Variants in OVCH1 observed in about 807,000 individuals in gnomAD.
OVCH1 encodes the protein ovochymase-1.
Under a neutral mutation model 138.4 loss-of-function variants are expected in OVCH1, and 139 were observed. That is an observed-to-expected ratio of 1.00 (90% CI 0.87 to 1.16). The LOEUF (loss-of-function observed/expected upper bound fraction) is 1.16, where lower values mean the gene tolerates loss of function less well. Among genes scored for constraint, OVCH1 ranks in the 50% most tolerant of loss-of-function variants. The pLI, the probability that OVCH1 is intolerant of heterozygous loss-of-function variation, is 0.00. For synonymous variants in OVCH1, 453 were observed against 467.8 expected (o/e 0.97, Z 0.41); for missense variants, 1,367 against 1,357.9 (o/e 1.01, Z -0.11).
chr12:29,426,461 G>C (rs1434537665), downstream of OVCH1, among the ~76,000 whole-genome samples: 1 of 152,148 alleles, frequency 6.6e-6, no homozygotes, highest in Non-Finnish European at 1.5e-5. Context: ...GTCCCAAATT[G>C]ATATCTATAG....
At chr12:29,416,420 A>T (rs1819404508) in intron 3 of OVCH1, among the ~76,000 whole-genome samples, 1 of 152,208 alleles carries the variant, frequency 6.6e-6, no homozygotes, top group African/African-American at 2.4e-5. Context: ...TTGACAAAGG[A>T]TTAGTGGCTA....
At chr12:29,418,453 A>C (rs551643499) in intron 3 of OVCH1, among the ~76,000 whole-genome samples, 2 of 152,266 alleles carry the variant, frequency 1.3e-5, no homozygotes, top group Non-Finnish European at 2.9e-5. Flanking sequence ...GTTTATACAG[A>C]TACTTCAACT....
the OVCH1 span, among the ~76,000 whole-genome samples, chr12:29,402,930 T>C: frequency 6.6e-6 from 1 of 152,218 alleles, no homozygotes; most frequent in Non-Finnish European, 1.5e-5. Context: ...TATTTTGTGC[T>C]CATATTTGAC....
chr12:29,483,006 T>A (rs949820842), intron 8 of OVCH1, among the ~76,000 whole-genome samples: 6 of 152,232 alleles, frequency 3.9e-5, no homozygotes, highest in African/African-American at 1.4e-4. Flanking sequence ...TTCTACCCAG[T>A]GGTCTTAGTT....
chr12:29,414,918 T>C (rs1321204982), intron 3 of OVCH1, among the ~76,000 whole-genome samples: 1 of 151,996 alleles, frequency 6.6e-6, no homozygotes, highest in African/African-American at 2.4e-5. Flanking sequence ...AAATATACAA[T>C]AAAATAAAAC....
intron 26 of OVCH1, among the ~76,000 whole-genome samples, chr12:29,439,096 G>A (rs540168629): frequency 6.6e-6 from 1 of 152,190 alleles, no homozygotes; most frequent in African/African-American, 2.4e-5. Context: ...TCAGCCCAGA[G>A]ATGGCACCAG....
the OVCH1 span, among the ~76,000 whole-genome samples, chr12:29,406,004 T>C: frequency 6.6e-6 from 1 of 152,216 alleles, no homozygotes; most frequent in African/African-American, 2.4e-5. Flanking sequence ...TTTCACATAA[T>C]CTTTTCCACC....
intron 3 of OVCH1, among the ~76,000 whole-genome samples, chr12:29,421,259 C>A (rs894858287): frequency 1.3e-5 from 2 of 152,180 alleles, no homozygotes; most frequent in Non-Finnish European, 2.9e-5. Flanking sequence ...TGGAATGCTA[C>A]GTTTGTCTTG....
chr12:29,472,793 A>G (rs1942557997), intron 15 of OVCH1, among the ~76,000 whole-genome samples: 1 of 152,224 alleles, frequency 6.6e-6, no homozygotes, highest in African/African-American at 2.4e-5. Flanking sequence ...GAATGAGGAC[A>G]AAACATTGCT....
intron 24 of OVCH1, 113 bp downstream of exon 24, chr12:29,444,032 T>C: frequency 3.2e-6 from 4 of 1,259,468 alleles, no homozygotes; most frequent in Non-Finnish European, 2.1e-6. Context: ...AAGAGTCTAT[T>C]CTTTTTGGAA....
chr12:29,430,885 T>C, intron 27 of OVCH1: 1 of 518,530 alleles, frequency 1.9e-6, no homozygotes, highest in Non-Finnish European at 3.9e-6. Flanking sequence ...TCCTTCTCCA[T>C]GTGGCCTTTT....
intron 8 of OVCH1, among the ~76,000 whole-genome samples, chr12:29,482,086 CATG>C (rs1253120892): frequency 6.6e-6 from 1 of 152,204 alleles, no homozygotes; most frequent in Non-Finnish European, 1.5e-5. Context: ...TGTGTCAGAT[CATG>C]ATCTTCCTCA....
chr12:29,428,344 C>T (rs1941213085), intron 27 of OVCH1, among the ~76,000 whole-genome samples: 1 of 152,192 alleles, frequency 6.6e-6, no homozygotes, highest in South Asian at 2.1e-4. Flanking sequence ...TCCAAAATTA[C>T]CCAAAGCTCT....
intron 27 of OVCH1, among the ~76,000 whole-genome samples, chr12:29,428,204 T>G (rs1941211038): frequency 1.3e-5 from 2 of 152,198 alleles, no homozygotes; most frequent in South Asian, 2.1e-4. Context: ...GAGGAACTGC[T>G]ACTGCTTTAC....
chr12:29,431,441 A>T (rs1009279553), intron 27 of OVCH1, among the ~76,000 whole-genome samples: 2 of 152,162 alleles, frequency 1.3e-5, no homozygotes, highest in African/African-American at 4.8e-5. Flanking sequence ...TCTCAAAAAA[A>T]AAATCCTCCT....
intron 20 of OVCH1, 60 bp downstream of exon 20, chr12:29,455,182 CTCACTGT>C: frequency 6.6e-7 from 1 of 1,522,638 alleles, no homozygotes. Flanking sequence ...TTATACCACA[CTCACTGT>C]TCCCAAACCC....
At chr12:29,456,233 C>A (rs1323316512) in intron 19 of OVCH1, among the ~76,000 whole-genome samples, 3 of 151,762 alleles carry the variant, frequency 2.0e-5, no homozygotes, top group Non-Finnish European at 4.4e-5. Context: ...ATGTCACCTG[C>A]CAAAGTTCAG....
intron 8 of OVCH1, among the ~76,000 whole-genome samples, chr12:29,480,968 C>A (rs770400345): frequency 1.3e-5 from 2 of 152,126 alleles, no homozygotes; most frequent in Non-Finnish European, 2.9e-5. Context: ...ACAAAGGAAT[C>A]TTACGATTTC....
chr12:29,493,746 C>T (rs1943336557), intron 4 of OVCH1, among the ~76,000 whole-genome samples: 1 of 152,106 alleles, frequency 6.6e-6, no homozygotes, highest in Non-Finnish European at 1.5e-5. Flanking sequence ...CAGTAACTTT[C>T]ACTGCTTTAA....
Sources: allele counts gnomAD v4.1 joint callset (sites outside exome capture counted in the v4.1 genomes callset), GRCh38; gene constraint gnomAD v4.1.1; transcripts MANE v1.5; gene names NCBI Gene and HGNC (gene_info 2026-07-23, HGNC 2026-07-21).